CRPPA: variants seen among roughly 807,000 people sequenced by gnomAD.
CRPPA encodes the protein D-ribitol-5-phosphate cytidylyltransferase.
In CRPPA, 43 loss-of-function variants were observed where a neutral mutation model predicts 52.0. The ratio of observed to expected loss-of-function variants is 0.83; its 90% confidence interval spans 0.65 to 1.07. The LOEUF (loss-of-function observed/expected upper bound fraction) is 1.07, where lower values mean the gene tolerates loss of function less well. Among genes scored for constraint, CRPPA ranks in the 50% least tolerant of loss-of-function variants. CRPPA has a pLI of 0.00. For synonymous variants in CRPPA, 250 were observed against 203.5 expected (o/e 1.23, Z -1.94); for missense variants, 629 against 551.7 (o/e 1.14, Z -1.40).
At chr7:16,240,593 A>ACACT (rs897574690) in intron 8 of CRPPA, among the ~76,000 whole-genome samples, 1 of 151,830 alleles carries the variant, frequency 6.6e-6, no homozygotes, top group African/African-American at 2.4e-5. Flanking sequence ...ACACACACAC[A>ACACT]CACACACATT....
At chr7:16,264,151 C>G (rs1048197799) in intron 6 of CRPPA, among the ~76,000 whole-genome samples, 4 of 152,004 alleles carry the variant, frequency 2.6e-5, no homozygotes, top group African/African-American at 9.7e-5. Context: ...GTATCTGTGA[C>G]ACTTTTAATC....
intron 2 of CRPPA, among the ~76,000 whole-genome samples, chr7:16,390,133 T>C (rs1787405126): frequency 6.6e-6 from 1 of 151,692 alleles, no homozygotes; most frequent in Non-Finnish European, 1.5e-5. Context: ...TCTACTTAGC[T>C]ACTTTTACCC....
chr7:16,354,441 A>G (rs932951885), intron 3 of CRPPA, among the ~76,000 whole-genome samples: 1 of 152,098 alleles, frequency 6.6e-6, no homozygotes, highest in Non-Finnish European at 1.5e-5. Flanking sequence ...CTAATAAAAG[A>G]AAAGTCTGAC....
chr7:16,363,794 T>C (rs993582834), intron 3 of CRPPA, among the ~76,000 whole-genome samples: 1 of 152,192 alleles, frequency 6.6e-6, no homozygotes. Flanking sequence ...ATGTCGTTAT[T>C]GCAGACAATA....
intron 5 of CRPPA, among the ~76,000 whole-genome samples, chr7:16,281,765 T>A (rs926693595): frequency 2.6e-5 from 4 of 152,210 alleles, no homozygotes; most frequent in African/African-American, 9.6e-5. Context: ...GTATCTTAAA[T>A]TGATGAATGA....
intron 3 of CRPPA, among the ~76,000 whole-genome samples, chr7:16,374,795 G>C (rs1207781282): frequency 6.6e-6 from 1 of 151,900 alleles, no homozygotes; most frequent in African/African-American, 2.4e-5. Context: ...CAGCATAACA[G>C]TGTGCTGTTT....
At chr7:16,325,206 A>G (rs1337606592) in intron 3 of CRPPA, among the ~76,000 whole-genome samples, 1 of 152,244 alleles carries the variant, frequency 6.6e-6, no homozygotes, top group Admixed American at 6.5e-5. Flanking sequence ...TAAAGAATTC[A>G]CAAGTTGAGA....
At chr7:16,158,010 G>C (rs1783221588) in intron 9 of CRPPA, among the ~76,000 whole-genome samples, 1 of 151,626 alleles carries the variant, frequency 6.6e-6, no homozygotes, top group Admixed American at 6.6e-5. Context: ...GAGTAGCTGG[G>C]ACTACAGGCA....
chr7:16,301,574 G>T, intron 4 of CRPPA, 108 bp from the exon 5 acceptor site: 1 of 661,164 alleles, frequency 1.5e-6, no homozygotes, highest in Non-Finnish European at 2.7e-6. Context: ...CTATAAACAT[G>T]TAATACTGAC....
intron 4 of CRPPA, 80 bp from the exon 5 acceptor site, chr7:16,301,546 T>C (rs1784789789): frequency 2.0e-6 from 2 of 998,388 alleles, no homozygotes; most frequent in Non-Finnish European, 3.1e-6. Flanking sequence ...CCCAAGGAAA[T>C]TCTTGATTTT....
Position 16,115,816 on chromosome 7 carries a change from G to A in CRPPA, c.1252-24017C>T, listed in dbSNP as rs771503037. Among the ~76,000 whole-genome samples the A allele has an allele frequency of 9.5e-4, 144 of 152,122 alleles. 2 individuals carry two copies. The highest frequency in any genetic ancestry group is 6.2e-4 in the South Asian group (3 of 4,820). ...TGGAGCAACAAAATCATGAGAGTAT[G>A]GAACAGAATCCATAAAATAAGACTA... On this transcript the variant is annotated intron_variant, in intron 9 of 9. Transcript: ENST00000407010.
intron 1 of CRPPA, among the ~76,000 whole-genome samples, chr7:16,411,549 G>A (rs867141935): frequency 2.6e-5 from 4 of 151,498 alleles, no homozygotes; most frequent in Admixed American, 6.6e-5. Context: ...CATCAAGTAT[G>A]TATCAAGCAT....
intron 2 of CRPPA, among the ~76,000 whole-genome samples, chr7:16,399,975 A>G (rs1441978495): frequency 2.0e-5 from 3 of 152,128 alleles, no homozygotes; most frequent in Admixed American, 6.5e-5. Context: ...ATGTGACACG[A>G]TTGACACGTG....
At chr7:16,142,636 A>G (rs368801878) in intron 9 of CRPPA, among the ~76,000 whole-genome samples, 126 of 152,282 alleles carry the variant, frequency 8.3e-4, no homozygotes, top group Non-Finnish European at 1.4e-3. Context: ...TATTATTTTA[A>G]ATTCATTTGG....
intron 9 of CRPPA, among the ~76,000 whole-genome samples, chr7:16,180,114 G>C (rs1254080627): frequency 6.6e-6 from 1 of 151,938 alleles, no homozygotes; most frequent in African/African-American, 2.4e-5. Context: ...ATATATTCTT[G>C]TACGATACAG....
intron 9 of CRPPA, among the ~76,000 whole-genome samples, chr7:16,157,396 G>A (rs544720755): frequency 6.6e-6 from 1 of 152,000 alleles, no homozygotes; most frequent in Admixed American, 6.6e-5. Context: ...AAGTCATCCC[G>A]AACATTATTG....
Position 16,421,263 on chromosome 7 carries a change from A to C in CRPPA, c.60T>G (p.Gly20=). The change falls in exon 1 of 10, where the codon GGT becomes GGG. Residue 20 remains glycine (G), a synonymous_variant. Transcript: ENST00000407010. ...AAGCCGTGTGGTCCGCGCCGCGCTG[A>C]CCACTCAGGCAAGGACCCGGCTCCG... is the stretch of plus-strand genomic sequence containing the variant. ...RPAEPGPCLS[G]QRGADHTASA... 7.6e-7 allele frequency: 1 copy of C among 1,310,166 alleles called. No homozygotes were observed. The allele number at this position is 1,310,166 out of a possible 1,614,324, so 81.2% of individuals were successfully genotyped here.
chr7:16,252,654 T>C (rs1219097453), intron 8 of CRPPA, among the ~76,000 whole-genome samples: 2 of 152,218 alleles, frequency 1.3e-5, no homozygotes, highest in East Asian at 3.9e-4. Flanking sequence ...CATTTTCTAT[T>C]GATTGGAATA....
At chr7:16,418,483 G>C (rs1490067796) in intron 1 of CRPPA, among the ~76,000 whole-genome samples, 1 of 152,172 alleles carries the variant, frequency 6.6e-6, no homozygotes, top group Non-Finnish European at 1.5e-5. Context: ...AATTTATAAA[G>C]GAAAGAGGTT....
Sources: gnomAD v4.1 joint callset for allele counts (sites outside exome capture counted in the v4.1 genomes callset) on GRCh38, gnomAD v4.1.1 for gene constraint, MANE v1.5 for transcripts, NCBI Gene and HGNC (gene_info 2026-07-23, HGNC 2026-07-21) for gene names.